The following GLB1L3 variants were observed in gnomAD, a reference collection of about 807,000 sequenced individuals.
The protein encoded by GLB1L3 is galactosidase beta 1 like 3, also known as beta-galactosidase-1-like protein 3.
Under a neutral mutation model 89.5 loss-of-function variants are expected in GLB1L3, and 89 were observed. The observed-to-expected ratio is 0.99, with a 90% confidence interval of 0.84 to 1.19. The LOEUF (loss-of-function observed/expected upper bound fraction) is 1.19, where lower values mean the gene tolerates loss of function less well. Among genes scored for constraint, GLB1L3 ranks in the 50% most tolerant of loss-of-function variants. The probability of loss-of-function intolerance (pLI) is 0.00; values close to 1 mark genes in which losing one functional copy is unlikely to be tolerated. For missense variants in GLB1L3, 812 were observed against 813.3 expected (o/e 1.00, Z 0.02); for synonymous variants, 314 against 312.3 (o/e 1.01, Z -0.06).
rs780180538 is a variant in GLB1L3, at chr11:134,318,581, C to T, written c.1780-50C>T. On this transcript the variant is annotated intron_variant, in intron 18 of 19. Coordinates refer to ENST00000431683, the MANE Select transcript of GLB1L3 (RefSeq NM_001080407.3). ...CACTCTCCAAGTGCCTTAGGTTTTA[C>T]CTTGCTAATGTGAACCAATTTCCAA... 15 of 1,152,018 alleles carry T rather than the reference C, an allele frequency of 1.3e-5. 1 individual carries two copies. The South Asian group carries it at 1.8e-4, about 14-fold the overall frequency. The allele number at this position is 1,152,018 out of a possible 1,614,324, so 71.4% of individuals were successfully genotyped here.
At chr11:134,281,238 A>G in intron 3 of GLB1L3, 139 bp from the exon 4 acceptor site, 1 of 935,832 alleles carries the variant, frequency 1.1e-6, no homozygotes, top group Non-Finnish European at 1.7e-6. Context: ...AGTGTAACAG[A>G]GGTTTAATTT....
chr11:134,316,403 A>G (rs1322483909), intron 18 of GLB1L3, among the ~76,000 whole-genome samples: 1 of 152,194 alleles, frequency 6.6e-6, no homozygotes, highest in African/African-American at 2.4e-5. Context: ...ATAAGTTGTA[A>G]GACAAGCGAT....
chr11:134,320,452 A>T (rs188941122), downstream of GLB1L3, among the ~76,000 whole-genome samples: 401 of 152,318 alleles, frequency 2.6e-3, no homozygotes, highest in Non-Finnish European at 4.8e-3. Context: ...TCTTGAGTAC[A>T]TATTATATTT....
At chr11:134,296,263 C>T (rs578063223) in intron 9 of GLB1L3, among the ~76,000 whole-genome samples, 11 of 141,748 alleles carry the variant, frequency 7.8e-5, no homozygotes, top group African/African-American at 2.4e-4. Flanking sequence ...ACTAGTTCAA[C>T]CATTGTGGAA....
At chr11:134,317,472 A>G (rs1452999990) in intron 18 of GLB1L3, among the ~76,000 whole-genome samples, 1 of 152,162 alleles carries the variant, frequency 6.6e-6, no homozygotes, top group African/African-American at 2.4e-5. Flanking sequence ...TTTATTTAGA[A>G]GTGCTTTTCT....
chr11:134,288,681 G>A (rs947242602), intron 6 of GLB1L3, 117 bp from the exon 7 acceptor site: 72 of 658,650 alleles, frequency 1.1e-4, no homozygotes, highest in Middle Eastern at 8.2e-4. Flanking sequence ...CAGACCACAG[G>A]GGCCGTGGAT....
At chr11:134,293,241 G>T (rs1941458862) in intron 9 of GLB1L3, 32 bp downstream of exon 9, 1 of 1,556,718 alleles carries the variant, frequency 6.4e-7, no homozygotes, top group East Asian at 2.2e-5. Context: ...GGGTTTTACA[G>T]CTCCTCCTAC....
At chr11:134,308,888 C>G (rs895576056) in intron 10 of GLB1L3, among the ~76,000 whole-genome samples, 1 of 152,188 alleles carries the variant, frequency 6.6e-6, no homozygotes, top group Non-Finnish European at 1.5e-5. Flanking sequence ...ACGAGCACAG[C>G]CAGAATTGAC....
chr11:134,321,728 A>G (rs991360048), downstream of GLB1L3, among the ~76,000 whole-genome samples: 2 of 152,198 alleles, frequency 1.3e-5, no homozygotes, highest in African/African-American at 4.8e-5. Context: ...ATGAGAACAC[A>G]TGGACACAGG....
At position 134,276,710 on chromosome 11, in the gene GLB1L3, A is replaced by G; in HGVS notation, c.-31A>G. On this transcript the variant is annotated 5_prime_UTR_variant, in exon 1 of 20. Coordinates refer to ENST00000431683, the MANE Select transcript of GLB1L3 (RefSeq NM_001080407.3). ...GCCAGCGGAGAGGGGCGGAAGCCGC[A>G]AGGGACCCTCGGCGCCTCGGCCTGG... The G allele has an allele frequency of 7.0e-7, 1 of 1,438,394 alleles. No homozygotes were observed. The highest frequency in any genetic ancestry group is 9.1e-7 in the Non-Finnish European group (1 of 1,096,970). The allele number at this position is 1,438,394 out of a possible 1,614,324, so 89.1% of individuals were successfully genotyped here.
At position 134,319,524 on chromosome 11, in the gene GLB1L3, G is replaced by A. The variant is rs536165794; in HGVS notation, c.*582G>A. 3.9e-5 allele frequency: 6 copies of A among 151,938 alleles called. No individual in the cohort carries two copies. The highest frequency in any genetic ancestry group is 2.1e-4 in the South Asian group (1 of 4,812). The allele number at this position is 151,938 out of a possible 1,614,324, so 9.4% of individuals were successfully genotyped here. A position where few individuals can be genotyped will look rare whatever the true frequency, so the allele number is the denominator to read the frequency against. Reference sequence around the variant, plus strand: ...GCAGGCTCTTATTCTTTAATTAAACGTGCCTTTGAGTAGATGTGAATAAAA... The same window carrying A: ...GCAGGCTCTTATTCTTTAATTAAACATGCCTTTGAGTAGATGTGAATAAAA... On this transcript the variant is annotated 3_prime_UTR_variant, in exon 20 of 20. Transcript: ENST00000431683.
downstream of GLB1L3, among the ~76,000 whole-genome samples, chr11:134,320,915 A>G (rs1943158670): frequency 6.6e-6 from 1 of 151,814 alleles, no homozygotes; most frequent in African/African-American, 2.4e-5. Context: ...CTGGATGCAT[A>G]TTAGAGACGT....
At position 134,319,054 on chromosome 11, in the gene GLB1L3, A is replaced by C; in HGVS notation, c.*112A>C. Reference sequence around the variant, plus strand: ...ACTGCAAGCTCAGCCTCTCGGGTTCACGCCATTCTCCTGCCTCAGCCTCCC... The same window carrying C: ...ACTGCAAGCTCAGCCTCTCGGGTTCCCGCCATTCTCCTGCCTCAGCCTCCC... On this transcript the variant is annotated 3_prime_UTR_variant, in exon 20 of 20. Coordinates refer to ENST00000431683, the MANE Select transcript of GLB1L3 (RefSeq NM_001080407.3). 1.3e-6 allele frequency: 1 copy of C among 751,032 alleles called. No individual in the cohort carries two copies. Among genetic ancestry groups the C allele is most frequent in the South Asian group, 1.6e-5 (1 of 62,432 alleles). 46.5% of individuals were successfully genotyped at this position (751,032 alleles called of 1,614,324 possible).
In GLB1L3 at chr11:134,288,731, G is replaced by A. The variant is rs997768849; in HGVS notation, c.637-67G>A. 23 of 1,178,544 alleles carry A rather than the reference G, an allele frequency of 2.0e-5. 1 individual carries two copies. The highest frequency in any genetic ancestry group is 2.8e-5 in the Non-Finnish European group (23 of 818,780). The allele number at this position is 1,178,544 out of a possible 1,614,324, so 73.0% of individuals were successfully genotyped here. On this transcript the variant is annotated intron_variant, in intron 6 of 19. Transcript: ENST00000431683. ...CCAGCTGTGCAGCCTTCGGCAGCAAGCTCAGAGACTCCAGGCTTTTGCCCC... is the reference window on the plus strand; with the variant it reads ...CCAGCTGTGCAGCCTTCGGCAGCAAACTCAGAGACTCCAGGCTTTTGCCCC...
intron 11 of GLB1L3, chr11:134,310,168 T>C (rs1164866708): frequency 1.1e-5 from 4 of 376,094 alleles, no homozygotes; most frequent in Admixed American, 7.5e-5. Context: ...GAAGAAGAAT[T>C]GTCTTGGGCC....
chr11:134,314,260 C>G, intron 17 of GLB1L3, 70 bp from the exon 18 acceptor site: 3 of 1,083,278 alleles, frequency 2.8e-6, no homozygotes, highest in Non-Finnish European at 4.0e-6. Context: ...CCCACGCCAC[C>G]TGGGGTGGGT....
At chr11:134,309,899 T>C in intron 11 of GLB1L3, 136 bp downstream of exon 11, 1 of 958,052 alleles carries the variant, frequency 1.0e-6, no homozygotes, top group Non-Finnish European at 1.5e-6. Flanking sequence ...TTTTCCTATC[T>C]ACTTTCCTTC....
Position 134,292,452 on chromosome 11 carries a change from T to G in GLB1L3, c.811+239T>G, listed in dbSNP as rs1018721450. ...TCTTTAAACACAGCAGCACTGGAGC[T>G]CCTCTGTTCTCAGGACGCCTTTCCA... On this transcript the variant is annotated intron_variant, in intron 8 of 19. Transcript: ENST00000431683. The G allele has an allele frequency of 1.3e-5, 5 of 395,522 alleles. No homozygotes were observed. The Admixed American group carries it at 1.5e-4, about 12-fold the overall frequency. The allele number at this position is 395,522 out of a possible 1,614,324, so 24.5% of individuals were successfully genotyped here. A position where few individuals can be genotyped will look rare whatever the true frequency, so the allele number is the denominator to read the frequency against.
intron 6 of GLB1L3, among the ~76,000 whole-genome samples, chr11:134,286,685 G>A (rs559529109): frequency 1.3e-5 from 2 of 151,570 alleles, no homozygotes; most frequent in South Asian, 2.1e-4. Flanking sequence ...GCTGAGGCAG[G>A]AGAATGACGT....
Sources: allele counts gnomAD v4.1 joint callset (sites outside exome capture counted in the v4.1 genomes callset), GRCh38; gene constraint gnomAD v4.1.1; transcripts MANE v1.5; gene names NCBI Gene and HGNC (gene_info 2026-07-23, HGNC 2026-07-21).